KALRN: variants seen among roughly 807,000 people sequenced by gnomAD.
KALRN encodes the protein kalirin RhoGEF kinase, also known as kalirin.
A neutral mutation model predicts 353.7 loss-of-function variants in KALRN; 70 were observed. That is an observed-to-expected ratio of 0.20 (90% CI 0.16 to 0.24). KALRN has a LOEUF of 0.24. KALRN is among the 10% of genes least tolerant of loss of function. The probability of loss-of-function intolerance (pLI) is 1.00; values close to 1 mark genes in which losing one functional copy is unlikely to be tolerated. For synonymous variants in KALRN, 1,391 were observed against 1,434.8 expected (o/e 0.97, Z 0.69); for missense variants, 2,791 against 3,756.7 (o/e 0.74, Z 6.72).
intron 1 of KALRN, among the ~76,000 whole-genome samples, chr3:124,083,659 C>T (rs558591225): frequency 2.6e-5 from 4 of 152,280 alleles, no homozygotes; most frequent in South Asian, 2.1e-4. Context: ...GTAATTTGCC[C>T]GATCTTACAC....
chr3:124,658,531 G>A lies in KALRN; in HGVS notation c.6123+14G>A. ...GCCTACTTTGAGGTAAGCTGTGCAG[G>A]CTTTGCTGAACTGGGGTGGGAGGAA... On this transcript the variant is annotated intron_variant, in intron 42 of 59. Transcript: ENST00000682506. 1 of 1,609,118 alleles carries A rather than the reference G, an allele frequency of 6.2e-7. No homozygotes were observed. Among genetic ancestry groups the A allele is most frequent in the African/African-American group, 1.3e-5 (1 of 74,932 alleles).
intron 5 of KALRN, among the ~76,000 whole-genome samples, chr3:124,280,676 A>G (rs1219369480): frequency 2.0e-5 from 3 of 152,124 alleles, no homozygotes; most frequent in Non-Finnish European, 2.9e-5. Context: ...CTGAAACCCC[A>G]AGAGTTTGCC....
intron 1 of KALRN, among the ~76,000 whole-genome samples, chr3:124,182,603 T>A (rs747969118): frequency 1.4e-4 from 22 of 152,190 alleles, no homozygotes; most frequent in Non-Finnish European, 2.9e-5. Flanking sequence ...TTATACTGAT[T>A]AAGAAGCAAG....
At position 124,642,806 on chromosome 3, in the gene KALRN, G is replaced by GTTGTTTTT. The variant is rs796628603; in HGVS notation, c.5664+5505_5664+5506insGTTTTTTT. The stretch of plus-strand genomic sequence containing the variant: ...TCTGTGGAAGAGATTCCCAAGCCTC[G>GTTGTTTTT]TTTTTTTTTTTTTTTTTTTTGAGAC... On this transcript the variant is annotated intron_variant, in intron 37 of 59. Transcript: ENST00000682506. 7.2e-4 allele frequency among the ~76,000 whole-genome samples: 70 copies of GTTGTTTTT among 96,808 alleles called. 2 individuals carry two copies. Among genetic ancestry groups the GTTGTTTTT allele is most frequent in the East Asian group, 1.9e-3 (4 of 2,098 alleles). The allele number at this position is 96,808 out of a possible 152,430, so 63.5% of individuals were successfully genotyped here.
chr3:124,423,146 C>T (rs948452258), intron 15 of KALRN, among the ~76,000 whole-genome samples, 168 bp downstream of exon 15: 4 of 152,208 alleles, frequency 2.6e-5, no homozygotes, highest in African/African-American at 9.6e-5. Flanking sequence ...TTTCTGAAAG[C>T]TTGGCTGCGG....
rs1561442624 is a variant in KALRN at position 124,620,113 on chromosome 3, G to GTTTTGT, written c.5183-12302_5183-12301insTTTTTG. Among the ~76,000 whole-genome samples the GTTTTGT allele has an allele frequency of 1.2e-3, 180 of 152,018 alleles. 1 individual carries two copies. Among genetic ancestry groups the GTTTTGT allele is most frequent in the African/African-American group, 4.2e-3 (173 of 41,474 alleles). Reference sequence around the variant, plus strand: ...TTGTTTTGTTTTGGTTTTGGTTTTGGTTTTGAGACAGAGGTCTCACTGTGT... The same window carrying GTTTTGT: ...TTGTTTTGTTTTGGTTTTGGTTTTGGTTTTGTTTTTGAGACAGAGGTCTCACTGTGT... On this transcript the variant is annotated intron_variant, in intron 34 of 59. Coordinates refer to ENST00000682506, the MANE Select transcript of KALRN (RefSeq NM_001388419.1).
intron 9 of KALRN, among the ~76,000 whole-genome samples, chr3:124,340,609 G>A (rs2081598025): frequency 6.6e-6 from 1 of 152,164 alleles, no homozygotes; most frequent in African/African-American, 2.4e-5. Flanking sequence ...CATGAGCTCA[G>A]ATGCGTTCAT....
At chr3:124,249,782 G>A (rs1342940189) in intron 3 of KALRN, among the ~76,000 whole-genome samples, 2 of 152,188 alleles carry the variant, frequency 1.3e-5, no homozygotes, top group Admixed American at 1.3e-4. Flanking sequence ...GGTCCTCCCT[G>A]TTCCATTTCA....
chr3:124,222,854 C>T (rs564597570), intron 1 of KALRN, among the ~76,000 whole-genome samples: 1 of 152,100 alleles, frequency 6.6e-6, no homozygotes, highest in Non-Finnish European at 1.5e-5. Context: ...GTCTGCCTGC[C>T]TTAGCCTCCC....
chr3:124,365,666 T>C (rs1405542463), intron 10 of KALRN, among the ~76,000 whole-genome samples: 1 of 152,226 alleles, frequency 6.6e-6, no homozygotes, highest in African/African-American at 2.4e-5. Context: ...TACTCCATGT[T>C]TGTGTTGCTA....
chr3:124,350,001 T>C (rs2149581665), intron 10 of KALRN, among the ~76,000 whole-genome samples: 1 of 152,220 alleles, frequency 6.6e-6, no homozygotes, highest in East Asian at 1.9e-4. Context: ...GCCTGTGGGC[T>C]GTCCTATGCC....
At chr3:124,094,662 C>T (rs2061321096) in intron 1 of KALRN, 1 of 649,682 alleles carries the variant, frequency 1.5e-6, no homozygotes, top group African/African-American at 1.8e-5. Flanking sequence ...GAAACCGGCT[C>T]CCGGCACAGT....
At chr3:124,563,919 C>T (rs1325364752) in intron 34 of KALRN, among the ~76,000 whole-genome samples, 2 of 150,858 alleles carry the variant, frequency 1.3e-5, no homozygotes, top group Admixed American at 6.6e-5. Context: ...CACTTGAACC[C>T]GAGAGGCTGA....
chr3:124,194,280 G>C (rs567466012), intron 1 of KALRN, among the ~76,000 whole-genome samples: 14 of 152,212 alleles, frequency 9.2e-5, no homozygotes, highest in Non-Finnish European at 1.8e-4. Flanking sequence ...CCTGTGACAT[G>C]ATCTGAATAG....
intron 29 of KALRN, among the ~76,000 whole-genome samples, chr3:124,489,707 AT>A (rs1351069041): frequency 3.9e-5 from 6 of 152,092 alleles, no homozygotes; most frequent in African/African-American, 1.4e-4. Context: ...CAGCTACTCC[AT>A]GCATGGTCTG....
chr3:124,062,181 T>C (rs766758051), intron 1 of KALRN, among the ~76,000 whole-genome samples: 2 of 152,242 alleles, frequency 1.3e-5, no homozygotes, highest in Non-Finnish European at 2.9e-5. Flanking sequence ...CTTTGTCACT[T>C]AGGTTAAACA....
At chr3:124,202,113 T>C (rs2075993233) in intron 1 of KALRN, among the ~76,000 whole-genome samples, 2 of 152,250 alleles carry the variant, frequency 1.3e-5, no homozygotes, top group South Asian at 4.1e-4. Context: ...GTTGCAAGTA[T>C]GAAATTTTAT....
intron 3 of KALRN, among the ~76,000 whole-genome samples, chr3:124,244,849 T>A (rs1463050173): frequency 2.0e-5 from 3 of 152,108 alleles, no homozygotes; most frequent in Non-Finnish European, 4.4e-5. Flanking sequence ...ATATATAATT[T>A]TTTTTTGCTT....
chr3:124,677,460 C>A, intron 49 of KALRN: 1 of 379,218 alleles, frequency 2.6e-6, no homozygotes, highest in Admixed American at 3.4e-5. Flanking sequence ...AAAGCCATTG[C>A]TGCTCTCACC....
Sources: allele counts gnomAD v4.1 joint callset (sites outside exome capture counted in the v4.1 genomes callset), GRCh38; gene constraint gnomAD v4.1.1; transcripts MANE v1.5; gene names NCBI Gene and HGNC (gene_info 2026-07-23, HGNC 2026-07-21).